The following SYN3 variants were observed in gnomAD, a reference collection of about 807,000 sequenced individuals.
SYN3 encodes synapsin III.
In SYN3, 35 loss-of-function variants were observed where a neutral mutation model predicts 65.8. The ratio of observed to expected loss-of-function variants is 0.53; its 90% CI spans 0.41 to 0.70. SYN3 has a LOEUF of 0.70. SYN3 is among the 30% of genes least tolerant of loss of function. The pLI is 0.00. For synonymous variants in SYN3, 270 were observed against 292.9 expected (o/e 0.92, Z 0.80); for missense variants, 680 against 749.0 (o/e 0.91, Z 1.08).
intron 1 of SYN3, among the ~76,000 whole-genome samples, chr22:33,050,479 CAAAAAAAAAAA>C (rs58653594): frequency 1.8e-5 from 2 of 108,528 alleles, no homozygotes; most frequent in African/African-American, 7.0e-5. Context: ...GAGACTGTTT[CAAAAAAAAAAA>C]AAAAAAAAAC....
chr22:32,634,304 C>G (rs553363745), intron 6 of SYN3, among the ~76,000 whole-genome samples: 6 of 152,150 alleles, frequency 3.9e-5, no homozygotes, highest in Non-Finnish European at 8.8e-5. Flanking sequence ...GCACCAGAAT[C>G]TATGTTCCGA....
chr22:32,740,420 C>T (rs527693905), intron 6 of SYN3, among the ~76,000 whole-genome samples: 4 of 152,194 alleles, frequency 2.6e-5, no homozygotes, highest in Admixed American at 1.3e-4. Context: ...GAACTGGTCA[C>T]GCTCTTGGAG....
At chr22:32,715,103 A>G (rs1445748886) in intron 6 of SYN3, among the ~76,000 whole-genome samples, 1 of 152,214 alleles carries the variant, frequency 6.6e-6, no homozygotes, top group Non-Finnish European at 1.5e-5. Context: ...AGTGGTATTC[A>G]GTAATGTGCT....
At chr22:32,984,944 G>A (rs1297042102) in intron 2 of SYN3, among the ~76,000 whole-genome samples, 1 of 152,160 alleles carries the variant, frequency 6.6e-6, no homozygotes, top group Non-Finnish European at 1.5e-5. Context: ...TTCCTCATTT[G>A]TCAAGTGGTG....
intron 6 of SYN3, among the ~76,000 whole-genome samples, chr22:32,836,843 C>T (rs1045257646): frequency 3.3e-5 from 5 of 152,140 alleles, no homozygotes; most frequent in Non-Finnish European, 7.3e-5. Context: ...TATAGATGTA[C>T]CAGGGTCTCC....
chr22:32,601,253 G>A (rs983115418), intron 6 of SYN3, among the ~76,000 whole-genome samples: 1 of 150,158 alleles, frequency 6.7e-6, no homozygotes, highest in Admixed American at 6.6e-5. Flanking sequence ...GATACTAGGG[G>A]AAATTTTCCT....
At chr22:32,604,893 C>T (rs1259115735) in intron 6 of SYN3, among the ~76,000 whole-genome samples, 1 of 151,474 alleles carries the variant, frequency 6.6e-6, no homozygotes, top group East Asian at 2.0e-4. Flanking sequence ...GTAGTCCCAG[C>T]TACTCGGGAG....
At chr22:32,635,015 T>C (rs1024499853) in intron 6 of SYN3, 1 of 152,172 alleles carries the variant, frequency 6.6e-6, no homozygotes, top group Non-Finnish European at 1.5e-5. Context: ...CTTCTTCTAA[T>C]GTAGCCCAGG....
At chr22:32,815,154 C>G (rs1272944643) in intron 6 of SYN3, among the ~76,000 whole-genome samples, 1 of 152,244 alleles carries the variant, frequency 6.6e-6, no homozygotes, top group African/African-American at 2.4e-5. Context: ...GCATCTTCCC[C>G]TCCCCATTTC....
At position 32,778,686 on chromosome 22, in the gene SYN3, C is replaced by T. The variant is rs5998636; in HGVS notation, c.711+86229G>A. ...GTATCAGGGTTTACGCTGAGTGAAG[C>T]GGAATCCCTAGGACTTGCATTTAAC... On this transcript the variant is annotated intron_variant, in intron 6 of 13. Coordinates refer to ENST00000358763, the MANE Select transcript of SYN3 (RefSeq NM_003490.4). 9.2e-4 allele frequency among the ~76,000 whole-genome samples: 140 copies of T among 152,250 alleles called. 1 individual carries two copies. Among genetic ancestry groups the T allele is most frequent in the African/African-American group, 3.0e-3 (125 of 41,518 alleles).
chr22:32,522,042 T>G (rs2057893437), intron 12 of SYN3, among the ~76,000 whole-genome samples: 1 of 152,194 alleles, frequency 6.6e-6, no homozygotes, highest in African/African-American at 2.4e-5. Context: ...AAGCAAACAA[T>G]TTAGTATTTT....
intron 6 of SYN3, among the ~76,000 whole-genome samples, chr22:32,606,235 G>A (rs1255246480): frequency 1.3e-5 from 2 of 152,180 alleles, no homozygotes; most frequent in Non-Finnish European, 2.9e-5. Flanking sequence ...GAAGCCTGAG[G>A]CCCAGGTTGT....
intron 6 of SYN3, among the ~76,000 whole-genome samples, chr22:32,718,662 A>T (rs2061073234): frequency 6.6e-6 from 1 of 152,112 alleles, no homozygotes; most frequent in Non-Finnish European, 1.5e-5. Context: ...AAAAAAAAAA[A>T]TCAACCAGAA....
chr22:32,978,144 G>A (rs2052262808), intron 3 of SYN3, among the ~76,000 whole-genome samples: 1 of 152,144 alleles, frequency 6.6e-6, no homozygotes. Flanking sequence ...GGAGATGGGT[G>A]GAAAACATGA....
intron 6 of SYN3, among the ~76,000 whole-genome samples, chr22:32,660,874 G>A (rs1473345786): frequency 6.6e-6 from 1 of 152,126 alleles, no homozygotes; most frequent in East Asian, 1.9e-4. Flanking sequence ...CCACCCAGGC[G>A]AGGGCTTCTT....
At chr22:32,557,050 A>G (rs969609095) in intron 7 of SYN3, among the ~76,000 whole-genome samples, 3 of 152,102 alleles carry the variant, frequency 2.0e-5, no homozygotes, top group African/African-American at 4.8e-5. Context: ...TTCAAGATAG[A>G]TGCATCAGGA....
At chr22:32,586,131 T>G (rs1176505424) in intron 7 of SYN3, among the ~76,000 whole-genome samples, 1 of 150,930 alleles carries the variant, frequency 6.6e-6, no homozygotes, top group African/African-American at 2.4e-5. Flanking sequence ...TGTATATGTA[T>G]GTATATACAT....
intron 1 of SYN3, among the ~76,000 whole-genome samples, chr22:33,049,833 A>C (rs887009168): frequency 1.3e-5 from 2 of 152,162 alleles, no homozygotes; most frequent in African/African-American, 4.8e-5. Flanking sequence ...ACACAGCCTG[A>C]GCCTGCTCAA....
At chr22:32,796,881 G>T (rs534480300) in intron 6 of SYN3, among the ~76,000 whole-genome samples, 2 of 152,210 alleles carry the variant, frequency 1.3e-5, no homozygotes, top group African/African-American at 4.8e-5. Context: ...CCGCCCTAAG[G>T]CCCCCAAACC....
Sources: allele counts gnomAD v4.1 joint callset (sites outside exome capture counted in the v4.1 genomes callset), GRCh38; gene constraint gnomAD v4.1.1; transcripts MANE v1.5; gene names NCBI Gene and HGNC (gene_info 2026-07-23, HGNC 2026-07-21).